Variants in SCN11A observed in about 807,000 individuals in gnomAD.
SCN11A encodes sodium channel protein type 11 subunit alpha.
SCN11A carries 122 observed loss-of-function variants against 162.2 expected under a neutral mutation model. The observed-to-expected ratio is 0.75, with a 90% CI of 0.65 to 0.87. The LOEUF (loss-of-function observed/expected upper bound fraction) is 0.87. Ranked by LOEUF, SCN11A falls within the 40% of genes least tolerant of loss-of-function variation. The pLI is 0.00. For synonymous variants in SCN11A, 758 were observed against 751.5 expected (o/e 1.01, Z -0.14); for missense variants, 2,015 against 2,181.6 (o/e 0.92, Z 1.52).
intron 29 of SCN11A, chr3:38,849,131 T>C (rs987683157): frequency 6.6e-6 from 1 of 152,168 alleles, no homozygotes; most frequent in African/African-American, 2.4e-5. Flanking sequence ...TTCCGCAAAG[T>C]GCATGATGCC....
chr3:38,908,168 A>G, intron 13 of SCN11A, 46 bp from the exon 14 acceptor site: 1 of 1,553,178 alleles, frequency 6.4e-7, no homozygotes, highest in Non-Finnish European at 8.7e-7. Context: ...ACACCTCCTC[A>G]TGAAACATTG....
chr3:39,004,204 G>T (rs1559570913), intron 2 of SCN11A, among the ~76,000 whole-genome samples: 1 of 152,184 alleles, frequency 6.6e-6, no homozygotes, highest in African/African-American at 2.4e-5. Flanking sequence ...TGTATATGGT[G>T]TAAGGAAGGG....
At chr3:38,973,621 A>C (rs2066830611) in intron 2 of SCN11A, among the ~76,000 whole-genome samples, 1 of 152,212 alleles carries the variant, frequency 6.6e-6, no homozygotes, top group African/African-American at 2.4e-5. Context: ...AAAGTTTAAA[A>C]ATTAGAATAT....
intron 7 of SCN11A, among the ~76,000 whole-genome samples, chr3:38,942,210 C>T (rs975393039): frequency 2.0e-5 from 3 of 151,930 alleles, no homozygotes; most frequent in African/African-American, 7.2e-5. Context: ...ATACACAAAG[C>T]CAAATTTGAC....
In SCN11A at chr3:38,908,135, C is replaced by T. The variant is rs2065830572; in HGVS notation, c.1300-13G>A. On this transcript the variant is annotated splice_polypyrimidine_tract_variant and intron_variant, in intron 13 of 29. Coordinates refer to ENST00000302328, the MANE Select transcript of SCN11A (RefSeq NM_001349253.2). ...TGGCAACCAGAGCCTTCAAATTGAA[C>T]AAAAGCAATTAAAGAACAGATTACA... is the stretch of plus-strand genomic sequence containing the variant. 6.2e-7 allele frequency: 1 copy of T among 1,605,838 alleles called. No homozygotes were observed. The highest frequency in any genetic ancestry group is 1.7e-5 in the Admixed American group (1 of 57,800).
intron 19 of SCN11A, among the ~76,000 whole-genome samples, chr3:38,888,816 T>G (rs9818630): frequency 0.58 from 88,016 of 151,840 alleles, 26,695 homozygotes; most frequent in African/African-American, 0.78. Context: ...TCTCCCCCCA[T>G]CCCTTCCAGC....
chr3:38,955,990 T>TA (rs2066677177), intron 3 of SCN11A, among the ~76,000 whole-genome samples: 1 of 152,188 alleles, frequency 6.6e-6, no homozygotes, highest in Non-Finnish European at 1.5e-5. Flanking sequence ...CTCATGCCTG[T>TA]AATCTCAGCA....
intron 1 of SCN11A, among the ~76,000 whole-genome samples, chr3:39,034,027 T>C (rs2031833746): frequency 6.6e-6 from 1 of 152,076 alleles, no homozygotes; most frequent in African/African-American, 2.4e-5. Context: ...GCAGGCATGG[T>C]GGTGTGCATC....
rs759255427 is a variant in SCN11A, at chr3:38,894,592, C to T, written c.2776G>A (p.Val926Ile). The change falls in exon 19 of 30, where the codon GTT (valine) becomes ATT (isoleucine). Residue 926 changes from valine (V) to isoleucine (I), a missense_variant. Coordinates refer to ENST00000302328, the MANE Select transcript of SCN11A (RefSeq NM_001349253.2). ...GCATTATCTTCACCAGAAAATTCAA[C>T]GTCATCTTCCTCCTCCGCAAGTGGT... ...LAPLAEEEDD[V>I]EFSGEDNAQR... 6.3e-5 allele frequency: 101 copies of T among 1,613,802 alleles called. No homozygotes were observed. The highest frequency in any genetic ancestry group is 8.1e-5 in the Non-Finnish European group (95 of 1,179,932).
intron 2 of SCN11A, among the ~76,000 whole-genome samples, chr3:39,009,269 T>C (rs1426229889): frequency 1.3e-5 from 2 of 152,102 alleles, no homozygotes; most frequent in South Asian, 2.1e-4. Flanking sequence ...AGTATTTTCA[T>C]GTATTAATAC....
Position 38,960,340 on chromosome 3 carries a change from T to A in SCN11A, c.-196A>T, listed in dbSNP as rs1427596749. On this transcript the variant is annotated 5_prime_UTR_variant, in exon 3 of 30. It introduces an in-frame stop codon into an upstream open reading frame of the 5' UTR. Coordinates refer to ENST00000302328, the MANE Select transcript of SCN11A (RefSeq NM_001349253.2). ...ATCCCAGCGATACTTCTTGAAGCTC[T>A]CCACAGAGCAAGTCTCTCAGCAGAG... 2.0e-5 allele frequency among the ~76,000 whole-genome samples: 3 copies of A among 152,144 alleles called. No homozygotes were observed. Among genetic ancestry groups the A allele is most frequent in the Non-Finnish European group, 4.4e-5 (3 of 68,018 alleles).
rs768008201 is a variant in SCN11A at position 38,950,207 on chromosome 3, A to T, written c.156T>A (p.Pro52=). The change falls in exon 5 of 30, where the codon CCT becomes CCA. Residue 52 remains proline, a synonymous_variant. Coordinates refer to ENST00000302328, the MANE Select transcript of SCN11A (RefSeq NM_001349253.2). Reference sequence around the variant, plus strand: ...TCCTGGAGGCCTTTAGGTCAAGCTGAGGCCGAGGCTGGGGTACTTCTCCTG... The same window carrying T: ...TCCTGGAGGCCTTTAGGTCAAGCTGTGGCCGAGGCTGGGGTACTTCTCCTG... ...DQTGEVPQPR[P]QLDLKASRKL... 2 of 1,613,988 alleles carry T rather than the reference A, an allele frequency of 1.2e-6. No homozygotes were observed. The highest frequency in any genetic ancestry group is 3.3e-5 in the Admixed American group (2 of 60,016).
At chr3:38,951,473 C>A (rs1009961338) in intron 4 of SCN11A, among the ~76,000 whole-genome samples, 8 of 152,388 alleles carry the variant, frequency 5.2e-5, no homozygotes, top group African/African-American at 1.9e-4. Context: ...GCCTCCCCGA[C>A]AAGCACCGCC....
intron 19 of SCN11A, 106 bp from the exon 20 acceptor site, chr3:38,886,344 C>G (rs1297366961): frequency 4.8e-6 from 3 of 620,068 alleles, no homozygotes; most frequent in African/African-American, 3.6e-5. Flanking sequence ...TGAGAATAAG[C>G]CTTTGACATT....
intron 2 of SCN11A, among the ~76,000 whole-genome samples, chr3:38,977,221 C>T (rs2066854956): frequency 6.6e-6 from 1 of 152,280 alleles, no homozygotes; most frequent in African/African-American, 2.4e-5. Context: ...ACTTCCTAGT[C>T]CAGCCCTCCT....
chr3:38,886,154 G>T lies in SCN11A; in HGVS notation c.2920C>A (p.Pro974Thr). 1 of 1,611,872 alleles carries T rather than the reference G, an allele frequency of 6.2e-7. No homozygotes were observed. Among genetic ancestry groups the T allele is most frequent in the Non-Finnish European group, 8.5e-7 (1 of 1,178,824 alleles). ...CGGGGATCCTGTATGGTCAGATGAGGCTCATCTTCAGAGAACATGTCAATT... is the reference window on the plus strand; with the variant it reads ...CGGGGATCCTGTATGGTCAGATGAGTCTCATCTTCAGAGAACATGTCAATT... ...VEIDMFSEDE[P>T]HLTIQDPRKK... Residue 974 changes from proline (P) to threonine (T), a missense_variant, in exon 20 of 30, where the codon CCT (proline) becomes ACT (threonine). Coordinates refer to ENST00000302328, the MANE Select transcript of SCN11A (RefSeq NM_001349253.2).
chr3:38,929,847 T>G (rs1464291461), intron 7 of SCN11A, among the ~76,000 whole-genome samples: 1 of 152,164 alleles, frequency 6.6e-6, no homozygotes, highest in Non-Finnish European at 1.5e-5. Context: ...CCTTCTGCCT[T>G]CTGCCATGGG....
chr3:38,918,880 A>C (rs1349084703), intron 11 of SCN11A, among the ~76,000 whole-genome samples: 1 of 152,228 alleles, frequency 6.6e-6, no homozygotes, highest in Non-Finnish European at 1.5e-5. Flanking sequence ...GCTCAACAGC[A>C]GGAATACATT....
intron 1 of SCN11A, among the ~76,000 whole-genome samples, chr3:39,033,591 T>C (rs2031822107): frequency 1.3e-5 from 2 of 152,212 alleles, no homozygotes; most frequent in Non-Finnish European, 2.9e-5. Context: ...ATCATGTGAA[T>C]AACTTCAGGT....
Sources: allele counts gnomAD v4.1 joint callset (sites outside exome capture counted in the v4.1 genomes callset), GRCh38; gene constraint gnomAD v4.1.1; transcripts MANE v1.5; gene names NCBI Gene and HGNC (gene_info 2026-07-23, HGNC 2026-07-21).